The following DNAH10 variants were observed in gnomAD, a reference collection of about 807,000 sequenced individuals.
DNAH10 encodes the protein axonemal beta dynein heavy chain 10.
DNAH10 carries 348 observed loss-of-function variants against 506.6 expected under a neutral mutation model. The observed-to-expected ratio is 0.69, with a 90% CI of 0.63 to 0.75. The LOEUF (loss-of-function observed/expected upper bound fraction) is 0.75, where lower values mean the gene tolerates loss of function less well. DNAH10 is among the 30% of genes least tolerant of loss of function. DNAH10 has a pLI of 0.00. For missense variants in DNAH10, 5,179 were observed against 5,787.1 expected, an observed-to-expected ratio of 0.89 and a Z score of 3.41; for synonymous variants, 2,059 against 2,198.6, an observed-to-expected ratio of 0.94 and a Z score of 1.78.
intron 1 of DNAH10, among the ~76,000 whole-genome samples, chr12:123,763,484 C>T (rs1485578953): frequency 2.0e-5 from 3 of 151,356 alleles, no homozygotes; most frequent in Non-Finnish European, 4.4e-5. Context: ...TCACTGGGTT[C>T]GGGTGGCAGG....
Position 123,887,187 on chromosome 12 carries a change from C to T in DNAH10, c.8869C>T (p.Arg2957Trp), listed in dbSNP as rs188285564. ...CCGAGGCTACTCGGAGAACAGTTTC[C>T]GGGAAGACCTGAAGAGCCTCTATTT... Reference protein sequence around the residue: ...LSRGYSENSFREDLKSLYLKL... With the variant: ...LSRGYSENSFWEDLKSLYLKL... Residue 2957 changes from arginine (R) to tryptophan (W), a missense_variant, in exon 52 of 79, where the codon CGG (arginine) becomes TGG (tryptophan). Transcript: ENST00000673944. 89 of 1,612,814 alleles carry T rather than the reference C, an allele frequency of 5.5e-5. No individual in the cohort carries two copies. The African/African-American group carries it at 8.0e-4, about 14-fold the overall frequency.
rs61749063 is a variant in DNAH10 at position 123,916,570 on chromosome 12, C to T, written c.10836C>T (p.Asn3612=). The change falls in exon 63 of 79, where the codon AAC becomes AAT. Residue 3612 remains asparagine, a synonymous_variant. Transcript: ENST00000673944. The surrounding 1 kb of genome is among the most constrained non-coding windows in gnomAD (Gnocchi z 4.6). Reference sequence around the variant, plus strand: ...AATACATCGATCCTGTGATTGACAACGTCTTAGAAAAAAATATAAAAGTCT... The same window carrying T: ...AATACATCGATCCTGTGATTGACAATGTCTTAGAAAAAAATATAAAAGTCT... ...VDEYIDPVID[N]VLEKNIKVSQ... The T allele has an allele frequency of 0.013, 21,674 of 1,613,728 alleles. 1,511 individuals are homozygous for T. In the African/African-American group the frequency reaches 0.19, roughly 14 times the overall value.
intron 50 of DNAH10, among the ~76,000 whole-genome samples, 170 bp from the exon 51 acceptor site, chr12:123,881,455 A>T (rs1013213216): frequency 6.6e-6 from 1 of 152,168 alleles, no homozygotes; most frequent in African/African-American, 2.4e-5. Context: ...TCTTCTTTTG[A>T]GAAGTGTCTG....
At chr12:123,799,136 TATA>T in intron 13 of DNAH10, 107 bp from the exon 14 acceptor site, 1 of 674,298 alleles carries the variant, frequency 1.5e-6, no homozygotes, top group Non-Finnish European at 1.9e-6. Flanking sequence ...ATATAATGTT[TATA>T]ATAATTTATA....
At chr12:123,798,838 GCTCACA>G (rs200900954) in intron 13 of DNAH10, among the ~76,000 whole-genome samples, 2,162 of 149,368 alleles carry the variant, frequency 0.014, 54 homozygotes, top group African/African-American at 0.049. Context: ...AGGTGCAGTG[GCTCACA>G]CCTGTAATCC....
intron 69 of DNAH10, chr12:123,927,256 C>T: frequency 5.4e-6 from 1 of 186,890 alleles, no homozygotes; most frequent in Non-Finnish European, 1.1e-5. Context: ...AACACGTCAC[C>T]ATGTTGCCCT....
intron 14 of DNAH10, 70 bp from the exon 15 acceptor site, chr12:123,800,146 G>A: frequency 1.1e-5 from 17 of 1,490,386 alleles, no homozygotes; most frequent in Non-Finnish European, 1.5e-5. Context: ...TTCACTTTTG[G>A]TGTGGGTTGT....
At position 123,801,570 on chromosome 12, in the gene DNAH10, C is replaced by A. The variant is rs1038160774; in HGVS notation, c.2614+138C>A. 1.2e-5 allele frequency: 13 copies of A among 1,109,932 alleles called. No individual in the cohort carries two copies. The African/African-American group carries it at 2.1e-4, about 18-fold the overall frequency. The allele number at this position is 1,109,932 out of a possible 1,614,324, so 68.8% of individuals were successfully genotyped here. ...TTTGAGGGTTAAGAAATACAAGTTG[C>A]GGAACTTAGAACTGATCTCCAGGCT... On this transcript the variant is annotated intron_variant, in intron 16 of 78. Coordinates refer to ENST00000673944, the MANE Select transcript of DNAH10 (RefSeq NM_001372106.1).
intron 52 of DNAH10, among the ~76,000 whole-genome samples, chr12:123,887,580 C>T (rs1277784473): frequency 1.3e-5 from 2 of 152,040 alleles, no homozygotes; most frequent in African/African-American, 2.4e-5. Context: ...GGCATCTGGC[C>T]GTGCCCCGGG....
At chr12:123,777,038 C>T (rs1957467201) in intron 5 of DNAH10, among the ~76,000 whole-genome samples, 1 of 152,038 alleles carries the variant, frequency 6.6e-6, no homozygotes, top group Admixed American at 6.6e-5. Flanking sequence ...GATAGGGTGG[C>T]CAGGAAGACT....
intron 52 of DNAH10, among the ~76,000 whole-genome samples, chr12:123,890,513 TG>T (rs1375026527): frequency 1.4e-4 from 22 of 151,968 alleles, no homozygotes; most frequent in Admixed American, 1.0e-3. Context: ...CTTGAACTCC[TG>T]GGCTCTAGTG....
intron 37 of DNAH10, among the ~76,000 whole-genome samples, chr12:123,857,454 G>A (rs750801487): frequency 1.3e-5 from 2 of 152,228 alleles, no homozygotes; most frequent in Non-Finnish European, 2.9e-5. Context: ...GTTAGGCCGG[G>A]CACAGTGGCT....
chr12:123,798,605 C>T (rs1034277163), intron 13 of DNAH10, among the ~76,000 whole-genome samples: 1 of 152,038 alleles, frequency 6.6e-6, no homozygotes, highest in East Asian at 1.9e-4. Flanking sequence ...TGTGCTATAT[C>T]ACCATCGCAG....
At chr12:123,878,678 C>T (rs924548725) in intron 48 of DNAH10, among the ~76,000 whole-genome samples, 2 of 152,202 alleles carry the variant, frequency 1.3e-5, no homozygotes, top group Non-Finnish European at 2.9e-5. Flanking sequence ...AGGAGGATCA[C>T]TTGAGCCCAG....
chr12:123,782,868 G>A (rs933791183), intron 6 of DNAH10, among the ~76,000 whole-genome samples: 1 of 152,106 alleles, frequency 6.6e-6, no homozygotes, highest in Admixed American at 6.6e-5. Flanking sequence ...ATAAACTCAG[G>A]AACATCTTAA....
chr12:123,929,031 A>G (rs1955078719), intron 70 of DNAH10: 5 of 573,374 alleles, frequency 8.7e-6, no homozygotes, highest in East Asian at 2.9e-5. Context: ...TTCATTTTAT[A>G]TATAGTAAAG....
At chr12:123,898,069 T>A in intron 55 of DNAH10, 102 bp downstream of exon 55, 1 of 1,140,420 alleles carries the variant, frequency 8.8e-7, no homozygotes, top group Non-Finnish European at 1.2e-6. Context: ...TCTTCAGTAT[T>A]GAGGCCAAAC....
intron 4 of DNAH10, among the ~76,000 whole-genome samples, chr12:123,773,373 C>T (rs1565886190): frequency 6.6e-6 from 1 of 152,166 alleles, no homozygotes; most frequent in Non-Finnish European, 1.5e-5. Flanking sequence ...GTAGATATTA[C>T]CAAGTAGGTC....
At chr12:123,931,894 C>A in intron 75 of DNAH10, 47 bp downstream of exon 75, 1 of 1,612,716 alleles carries the variant, frequency 6.2e-7, no homozygotes, top group Non-Finnish European at 8.5e-7. Flanking sequence ...TACGTGGCAC[C>A]TGGGGTTCTG....
Sources: allele counts gnomAD v4.1 joint callset (sites outside exome capture counted in the v4.1 genomes callset), GRCh38; gene constraint gnomAD v4.1.1; non-coding constraint Gnocchi (gnomAD v3.1); transcripts MANE v1.5; gene names NCBI Gene and HGNC (gene_info 2026-07-23, HGNC 2026-07-21).